The following AP3S1 variants were observed in gnomAD, a reference collection of about 807,000 sequenced individuals.
AP3S1 encodes the protein adaptor related protein complex 3 subunit sigma 1.
In AP3S1, 12 loss-of-function variants were observed where a neutral mutation model predicts 21.3. The ratio of observed to expected loss-of-function variants is 0.56; its 90% CI spans 0.36 to 0.91. AP3S1 has a LOEUF of 0.91. Ranked by LOEUF, AP3S1 falls within the 40% of genes least tolerant of loss-of-function variation. AP3S1 has a pLI of 0.01. For synonymous variants in AP3S1, 48 were observed against 78.4 expected, an observed-to-expected ratio of 0.61 and a Z score of 2.05; for missense variants, 116 against 225.0, an observed-to-expected ratio of 0.52 and a Z score of 3.10.
At chr5:115,870,173 AT>A in intron 3 of AP3S1, 45 bp downstream of exon 3, 1 of 1,254,676 alleles carries the variant, frequency 8.0e-7, no homozygotes, top group African/African-American at 1.5e-5. Context: ...ACAGTTTGAC[AT>A]TTAAATTTTT....
At chr5:115,908,272 A>G (rs1479750221) in intron 5 of AP3S1, among the ~76,000 whole-genome samples, 1 of 152,122 alleles carries the variant, frequency 6.6e-6, no homozygotes, top group African/African-American at 2.4e-5. Context: ...ACAGTATGTA[A>G]TTTATTACTG....
intron 3 of AP3S1, among the ~76,000 whole-genome samples, chr5:115,875,763 T>C (rs967866054): frequency 6.6e-6 from 1 of 152,194 alleles, no homozygotes; most frequent in African/African-American, 2.4e-5. Context: ...ATTTAAAACT[T>C]TCTGTTTTCA....
chr5:115,874,082 C>T (rs2112850805), intron 3 of AP3S1, among the ~76,000 whole-genome samples: 1 of 152,162 alleles, frequency 6.6e-6, no homozygotes, highest in Non-Finnish European at 1.5e-5. Flanking sequence ...GCTATTCCAC[C>T]AGTACTGAAT....
At chr5:115,887,895 A>C (rs191903230) in intron 3 of AP3S1, among the ~76,000 whole-genome samples, 597 of 152,248 alleles carry the variant, frequency 3.9e-3, no homozygotes, top group African/African-American at 0.014. Context: ...GATAAAGAAA[A>C]CACAAGCATG....
chr5:115,906,705 T>G, intron 5 of AP3S1: 1 of 712,212 alleles, frequency 1.4e-6, no homozygotes. Flanking sequence ...GTATTTCATG[T>G]TATTCTTAAG....
intron 3 of AP3S1, among the ~76,000 whole-genome samples, chr5:115,883,013 G>A (rs185393333): frequency 1.3e-5 from 2 of 152,198 alleles, no homozygotes; most frequent in South Asian, 2.1e-4. Context: ...GGGGTAAACC[G>A]CCTACTCAAG....
chr5:115,885,403 C>T (rs1749692987), intron 3 of AP3S1, among the ~76,000 whole-genome samples: 1 of 152,166 alleles, frequency 6.6e-6, no homozygotes, highest in Non-Finnish European at 1.5e-5. Context: ...AGTTCCCTGG[C>T]AAACCACTGG....
intron 1 of AP3S1, among the ~76,000 whole-genome samples, chr5:115,851,216 G>C (rs151094413): frequency 5.5e-4 from 83 of 152,216 alleles, no homozygotes; most frequent in African/African-American, 1.9e-3. Flanking sequence ...GCCGTATTTT[G>C]TTTATCCGTT....
At chr5:115,854,361 A>T (rs1359693221) in intron 1 of AP3S1, among the ~76,000 whole-genome samples, 1 of 152,162 alleles carries the variant, frequency 6.6e-6, no homozygotes, top group East Asian at 1.9e-4. Context: ...CATTTTTTAT[A>T]CATTGTAAGA....
chr5:115,877,084 G>T (rs1377803625), intron 3 of AP3S1, among the ~76,000 whole-genome samples: 3 of 152,120 alleles, frequency 2.0e-5, no homozygotes, highest in East Asian at 3.9e-4. Context: ...TTACCTAAAA[G>T]AATTATTAAT....
At chr5:115,884,581 C>T (rs1299037937) in intron 3 of AP3S1, among the ~76,000 whole-genome samples, 1 of 152,124 alleles carries the variant, frequency 6.6e-6, no homozygotes, top group East Asian at 1.9e-4. Flanking sequence ...TCTCCAACAA[C>T]AACAACAAGA....
At chr5:115,848,894 A>G (rs1470380577) in intron 1 of AP3S1, among the ~76,000 whole-genome samples, 3 of 152,224 alleles carry the variant, frequency 2.0e-5, no homozygotes, top group Non-Finnish European at 4.4e-5. Flanking sequence ...AACTCTTAGA[A>G]GGATATTGAA....
At chr5:115,853,464 AT>A (rs1762588619) in intron 1 of AP3S1, among the ~76,000 whole-genome samples, 1 of 152,044 alleles carries the variant, frequency 6.6e-6, no homozygotes, top group Non-Finnish European at 1.5e-5. Flanking sequence ...GTGGTTTTGA[AT>A]TTTGATATCA....
At chr5:115,884,547 C>A (rs1749608000) in intron 3 of AP3S1, among the ~76,000 whole-genome samples, 1 of 152,160 alleles carries the variant, frequency 6.6e-6, no homozygotes, top group African/African-American at 2.4e-5. Flanking sequence ...TGTACTCCAG[C>A]CTGGGTGACA....
In AP3S1 at chr5:115,913,609, C is replaced by G; in HGVS notation, c.*119C>G. The stretch of plus-strand genomic sequence containing the variant: ...TTAACTTTTGCTCTTGGATTTAAGT[C>G]AAGGTACTGTATAGAAGTTGTGTAA... On this transcript the variant is annotated 3_prime_UTR_variant, in exon 6 of 6. Coordinates refer to ENST00000316788, the MANE Select transcript of AP3S1 (RefSeq NM_001284.4). 6.9e-7 allele frequency: 1 copy of G among 1,454,696 alleles called. No individual in the cohort carries two copies. The highest frequency in any genetic ancestry group is 9.3e-7 in the Non-Finnish European group (1 of 1,076,120). 90.1% of individuals were successfully genotyped at this position (1,454,696 alleles called of 1,614,324 possible).
chr5:115,845,690 C>T (rs1260909743), intron 1 of AP3S1, among the ~76,000 whole-genome samples: 2 of 151,668 alleles, frequency 1.3e-5, no homozygotes, highest in Admixed American at 6.6e-5. Flanking sequence ...AAAAATTAGC[C>T]AGGCATGGTA....
At chr5:115,904,597 T>C (rs1162130883) in intron 5 of AP3S1, among the ~76,000 whole-genome samples, 2 of 152,236 alleles carry the variant, frequency 1.3e-5, no homozygotes, top group African/African-American at 4.8e-5. Flanking sequence ...ATAGCCAATT[T>C]TTAAAATATT....
At chr5:115,911,350 C>T (rs531561941) in intron 5 of AP3S1, among the ~76,000 whole-genome samples, 68 of 152,046 alleles carry the variant, frequency 4.5e-4, no homozygotes, top group Non-Finnish European at 8.2e-4. Flanking sequence ...CACACACACA[C>T]GCACAATTTC....
At chr5:115,887,068 A>G (rs868404711) in intron 3 of AP3S1, among the ~76,000 whole-genome samples, 6 of 152,208 alleles carry the variant, frequency 3.9e-5, no homozygotes, top group African/African-American at 1.4e-4. Context: ...TCTTAATAGT[A>G]CATGCAGTGG....
Sources: allele counts gnomAD v4.1 joint callset (sites outside exome capture counted in the v4.1 genomes callset), GRCh38; gene constraint gnomAD v4.1.1; transcripts MANE v1.5; gene names NCBI Gene and HGNC (gene_info 2026-07-23, HGNC 2026-07-21).